LYST: variants seen among roughly 807,000 people sequenced by gnomAD.
The protein encoded by LYST is lysosomal-trafficking regulator.
LYST carries 192 observed loss-of-function variants against 413.6 expected under a neutral mutation model. The observed-to-expected ratio is 0.46, with a 90% CI of 0.41 to 0.52. The LOEUF (loss-of-function observed/expected upper bound fraction) is 0.52, where lower values mean the gene tolerates loss of function less well. LYST is among the 20% of genes least tolerant of loss of function. The pLI is 0.00. For missense variants in LYST, 3,815 were observed against 4,499.9 expected, an observed-to-expected ratio of 0.85 and a Z score of 4.35; for synonymous variants, 1,525 against 1,567.3, an observed-to-expected ratio of 0.97 and a Z score of 0.64.
intron 38 of LYST, among the ~76,000 whole-genome samples, chr1:235,724,594 T>C (rs1253148151): frequency 1.3e-5 from 2 of 152,152 alleles, no homozygotes; most frequent in African/African-American, 4.8e-5. Flanking sequence ...GTACATTCCA[T>C]GGGTTTTGAC....
chr1:235,735,577 G>GA (rs1189830675), intron 31 of LYST: 2 of 151,984 alleles, frequency 1.3e-5, no homozygotes, highest in Non-Finnish European at 2.9e-5. Context: ...GTATTATTTA[G>GA]ACAATAATGT....
chr1:235,704,778 CTTG>C, intron 44 of LYST, among the ~76,000 whole-genome samples: 1 of 152,138 alleles, frequency 6.6e-6, no homozygotes, highest in Admixed American at 6.5e-5. Context: ...AATTGTTGCT[CTTG>C]TTGTGAATAC....
chr1:235,816,229 C>A (rs946082148), intron 3 of LYST, among the ~76,000 whole-genome samples: 4 of 145,344 alleles, frequency 2.8e-5, no homozygotes, highest in Non-Finnish European at 6.0e-5. Flanking sequence ...ATCACAAGGT[C>A]AGGCGATTGA....
chr1:235,796,643 G>T (rs913880492), intron 10 of LYST, among the ~76,000 whole-genome samples: 1 of 152,148 alleles, frequency 6.6e-6, no homozygotes, highest in African/African-American at 2.4e-5. Context: ...TGCCCTCATG[G>T]GTGTGATTCA....
intron 29 of LYST, among the ~76,000 whole-genome samples, chr1:235,744,870 G>A (rs1665756913): frequency 6.8e-6 from 1 of 147,930 alleles, no homozygotes; most frequent in South Asian, 2.1e-4. Flanking sequence ...ACTAGCCTTG[G>A]TGACAGAGTG....
At position 235,863,130 on chromosome 1, in the gene LYST, C is replaced by T. The variant is rs116174129; in HGVS notation, c.-98+3713G>A. Among the ~76,000 whole-genome samples, 335 of 152,126 alleles carry T rather than the reference C, an allele frequency of 2.2e-3. 1 individual carries two copies. Among genetic ancestry groups the T allele is most frequent in the African/African-American group, 7.6e-3 (316 of 41,496 alleles). On this transcript the variant is annotated intron_variant, in intron 1 of 52. Transcript: ENST00000389793. ...GAACTTGGCCCAGCACGGTGGCTCA[C>T]GCCTGTAATCCAGGCACAGTTGGGG... is the stretch of plus-strand genomic sequence containing the variant.
chr1:235,831,547 T>C (rs956494361), intron 2 of LYST, among the ~76,000 whole-genome samples: 1 of 152,026 alleles, frequency 6.6e-6, no homozygotes, highest in African/African-American at 2.4e-5. Context: ...CAAAGAGAAG[T>C]AGATAAAAAT....
At position 235,746,398 on chromosome 1, in the gene LYST, G is replaced by T; in HGVS notation, c.7910C>A (p.Thr2637Lys). Residue 2637 changes from threonine to lysine, a missense_variant, in exon 29 of 53, where the codon ACG (threonine) becomes AAG (lysine). By Grantham distance (78) the Thr-to-Lys change is moderately conservative. Around this residue, in one of 4 missense-constraint regions of LYST, gnomAD observed 771 missense variants for 837.1 expected, o/e 0.92. Transcript: ENST00000389793. The part of the protein sequence containing the change: ...SQENPSQATE[T>K]ELAQRLQRLT... ...CCTCTGTAGTCTCTGCGCAAGTTCC[G>T]TTTCAGTTGCTTGGCTAGGGTTCTC... is the stretch of plus-strand genomic sequence containing the variant. 1 of 1,613,882 alleles carries T rather than the reference G, an allele frequency of 6.2e-7. No homozygotes were observed. The highest frequency in any genetic ancestry group is 1.7e-5 in the Admixed American group (1 of 59,994).
intron 1 of LYST, among the ~76,000 whole-genome samples, chr1:235,835,245 T>C (rs1202985991): frequency 6.6e-6 from 1 of 152,030 alleles, no homozygotes; most frequent in Non-Finnish European, 1.5e-5. Context: ...TTTAAAATTA[T>C]GGAAGGGGAA....
intron 3 of LYST, among the ~76,000 whole-genome samples, chr1:235,822,385 C>T (rs191557323): frequency 1.1e-4 from 17 of 152,318 alleles, no homozygotes; most frequent in African/African-American, 3.8e-4. Flanking sequence ...GGCTATGTTC[C>T]TCTCCTGTCC....
chr1:235,698,472 T>G (rs539478505), intron 45 of LYST, among the ~76,000 whole-genome samples: 9 of 152,310 alleles, frequency 5.9e-5, no homozygotes, highest in Middle Eastern at 3.4e-3. Flanking sequence ...AATGCTCATG[T>G]GGGAACAGAG....
At chr1:235,795,293 C>G (rs144648929) in intron 10 of LYST, among the ~76,000 whole-genome samples, 2 of 152,108 alleles carry the variant, frequency 1.3e-5, no homozygotes, top group East Asian at 1.9e-4. Context: ...TCTAAATAAA[C>G]GAAATGGTCA....
intron 7 of LYST, among the ~76,000 whole-genome samples, chr1:235,803,627 A>T (rs1020837789): frequency 1.3e-5 from 2 of 152,138 alleles, no homozygotes; most frequent in African/African-American, 4.8e-5. Context: ...TTCTTATAAA[A>T]ATTCCACTAA....
At chr1:235,723,172 T>C (rs750892804) in intron 39 of LYST, among the ~76,000 whole-genome samples, 8 of 152,156 alleles carry the variant, frequency 5.3e-5, no homozygotes, top group Non-Finnish European at 1.2e-4. Flanking sequence ...TTTACTGAGA[T>C]AGAGAAAACT....
intron 1 of LYST, among the ~76,000 whole-genome samples, chr1:235,881,376 A>G (rs1172214086): frequency 2.0e-5 from 3 of 152,238 alleles, no homozygotes; most frequent in Admixed American, 6.5e-5. Flanking sequence ...ATATAGCTAC[A>G]TTACCACATT....
In LYST at chr1:235,809,337, G is replaced by A. The variant is rs115019462; in HGVS notation, c.1481C>T (p.Ser494Leu). The A allele has an allele frequency of 1.1e-5, 18 of 1,613,924 alleles. No homozygotes were observed. The Admixed American group carries it at 1.5e-4, about 13-fold the overall frequency. Residue 494 changes from serine to leucine, a missense_variant, in exon 5 of 53, where the codon TCG (serine) becomes TTG (leucine). Physicochemically the swap from Ser to Leu is moderately radical, Grantham distance 145. Around this residue, in one of 4 missense-constraint regions of LYST, gnomAD observed 1,648 missense variants for 1,810.3 expected, o/e 0.91. Transcript: ENST00000389793. The surrounding 1 kb of genome is among the most constrained non-coding windows in gnomAD (Gnocchi z 4.0). ...KKVKSEQLHH[S>L]MCTRKRHRRC... ...TCTGTGCCTTTTTCTTGTACACATCGAATGATGAAGTTGCTCTGATTTCAC... is the reference window on the plus strand; with the variant it reads ...TCTGTGCCTTTTTCTTGTACACATCAAATGATGAAGTTGCTCTGATTTCAC...
At chr1:235,767,346 C>T (rs1374855614) in intron 20 of LYST, among the ~76,000 whole-genome samples, 1 of 151,996 alleles carries the variant, frequency 6.6e-6, no homozygotes, top group East Asian at 1.9e-4. Context: ...AGTTCGACTA[C>T]CTCAGATTTA....
At chr1:235,843,917 C>T (rs953637396) in intron 1 of LYST, among the ~76,000 whole-genome samples, 3 of 152,174 alleles carry the variant, frequency 2.0e-5, no homozygotes, top group South Asian at 2.1e-4. Context: ...AGTAACACTA[C>T]GTGCTTGCCT....
chr1:235,853,940 G>A (rs1386084363), intron 1 of LYST, among the ~76,000 whole-genome samples: 1 of 152,068 alleles, frequency 6.6e-6, no homozygotes, highest in African/African-American at 2.4e-5. Flanking sequence ...CCGCAAAAGG[G>A]TAGAAATTCT....
Sources: gnomAD v4.1 joint callset for allele counts (sites outside exome capture counted in the v4.1 genomes callset) on GRCh38, gnomAD v4.1.1 for gene constraint, gnomAD v4.1.1 regional missense constraint, Gnocchi (gnomAD v3.1) non-coding constraint, MANE v1.5 for transcripts, NCBI Gene and HGNC (gene_info 2026-07-23, HGNC 2026-07-21) for gene names.